SDHB: variants seen among roughly 807,000 people sequenced by gnomAD.
SDHB encodes the protein succinate dehydrogenase complex iron sulfur subunit B.
A neutral mutation model predicts 39.7 loss-of-function variants in SDHB; 21 were observed. The observed-to-expected ratio is 0.53, with a 90% confidence interval of 0.37 to 0.76. SDHB has a LOEUF of 0.76. SDHB is among the 30% of genes least tolerant of loss of function. The pLI, the probability that SDHB is intolerant of heterozygous loss-of-function variation, is 0.00. For synonymous variants in SDHB, 118 were observed against 117.0 expected (o/e 1.01, Z -0.06); for missense variants, 343 against 350.9 (o/e 0.98, Z 0.18).
intron 2 of SDHB, among the ~76,000 whole-genome samples, chr1:17,040,087 C>T (rs7517571): frequency 1.3e-5 from 2 of 151,966 alleles, no homozygotes; most frequent in South Asian, 2.1e-4. Context: ...TTTTTCTGAA[C>T]GTGGAATTCC....
chr1:17,027,967 C>A, intron 4 of SDHB, 102 bp from the exon 5 acceptor site: 2 of 728,572 alleles, frequency 2.7e-6, no homozygotes, highest in Admixed American at 2.0e-5. Flanking sequence ...GACTACTCGT[C>A]CACTCTATGC....
chr1:17,022,175 GA>G (rs2077965354), intron 7 of SDHB, among the ~76,000 whole-genome samples: 1 of 152,212 alleles, frequency 6.6e-6, no homozygotes, highest in Admixed American at 6.5e-5. Context: ...TTGAGTCAGA[GA>G]AAACCTCCAC....
intron 1 of SDHB, among the ~76,000 whole-genome samples, chr1:17,050,925 A>G (rs1010514346): frequency 1.3e-5 from 2 of 152,242 alleles, no homozygotes; most frequent in Non-Finnish European, 2.9e-5. Flanking sequence ...GTGCCAAATA[A>G]TCTCTAATCT....
At chr1:17,022,025 C>T (rs540972622) in intron 7 of SDHB, among the ~76,000 whole-genome samples, 11 of 152,206 alleles carry the variant, frequency 7.2e-5, no homozygotes, top group Non-Finnish European at 1.5e-4. Flanking sequence ...ATGCGACACC[C>T]TCTCAGGAAA....
At chr1:17,035,972 C>CAT (rs1487359439) in intron 2 of SDHB, among the ~76,000 whole-genome samples, 1 of 152,168 alleles carries the variant, frequency 6.6e-6, no homozygotes, top group Non-Finnish European at 1.5e-5. Flanking sequence ...AAAGTCCTCT[C>CAT]TTTAAGCTGT....
chr1:17,047,831 T>C (rs77955136), intron 1 of SDHB, among the ~76,000 whole-genome samples: 7,380 of 152,226 alleles, frequency 0.048, 245 homozygotes, highest in South Asian at 0.13. Context: ...TGCGCCACCA[T>C]GCCCAGTTAG....
At chr1:17,047,681 TAAAA>T (rs375234539) in intron 1 of SDHB, among the ~76,000 whole-genome samples, 1 of 133,002 alleles carries the variant, frequency 7.5e-6, no homozygotes, top group African/African-American at 2.9e-5. Context: ...AAACTCAAGC[TAAAA>T]AAAAAAAAAA....
At chr1:17,047,820 A>G (rs1417082810) in intron 1 of SDHB, among the ~76,000 whole-genome samples, 6 of 152,214 alleles carry the variant, frequency 3.9e-5, no homozygotes, top group African/African-American at 1.2e-4. Flanking sequence ...GACTACAGGC[A>G]TGCGCCACCA....
intron 1 of SDHB, among the ~76,000 whole-genome samples, chr1:17,052,828 G>C (rs369592475): frequency 6.6e-6 from 1 of 152,208 alleles, no homozygotes; most frequent in African/African-American, 2.4e-5. Flanking sequence ...TCATTTAAGT[G>C]CAAGAGAGGA....
chr1:17,027,894 G>A (rs199637819), intron 4 of SDHB, 29 bp from the exon 5 acceptor site: 15 of 1,335,290 alleles, frequency 1.1e-5, no homozygotes, highest in Non-Finnish European at 1.6e-5. Flanking sequence ...AGAAGAAGAA[G>A]AAGAAGAAAA....
intron 1 of SDHB, among the ~76,000 whole-genome samples, chr1:17,049,647 C>T (rs995232205): frequency 3.6e-3 from 189 of 52,010 alleles, no homozygotes; most frequent in South Asian, 0.01. Context: ...TCCCCTAGTT[C>T]TTTTTTTTTT....
chr1:17,049,397 A>G (rs1447560475), intron 1 of SDHB, among the ~76,000 whole-genome samples: 1 of 151,708 alleles, frequency 6.6e-6, no homozygotes, highest in Non-Finnish European at 1.5e-5. Context: ...CCTCAGGCTC[A>G]TGCAATTCTC....
intron 1 of SDHB, among the ~76,000 whole-genome samples, chr1:17,046,152 T>C (rs1352542134): frequency 1.3e-5 from 2 of 152,184 alleles, no homozygotes; most frequent in African/African-American, 4.8e-5. Flanking sequence ...AAAGTTAAGA[T>C]GAAAGCTATG....
At chr1:17,026,338 GCA>G (rs2077990862) in intron 5 of SDHB, among the ~76,000 whole-genome samples, 1 of 152,030 alleles carries the variant, frequency 6.6e-6, no homozygotes, top group Admixed American at 6.6e-5. Context: ...GACAGACTGG[GCA>G]CACTTACTAG....
At chr1:17,037,932 T>A (rs1487270565) in intron 2 of SDHB, among the ~76,000 whole-genome samples, 1 of 151,980 alleles carries the variant, frequency 6.6e-6, no homozygotes, top group Non-Finnish European at 1.5e-5. Context: ...AGGTCAGGAG[T>A]TCGAGACCAG....
chr1:17,036,692 TTATATAAATATGAA>T lies in SDHB; in HGVS notation c.201-3561_201-3548del, dbSNP rs533695640. On this transcript the variant is annotated intron_variant, in intron 2 of 7. Transcript: ENST00000375499. ...GTTTTACATATATAAATATAAATAT[TTATATAAATATGAA>T]TATATAAATATAAATATTTATATAA... Among the ~76,000 whole-genome samples, 489 of 142,834 alleles carry T rather than the reference TTATATAAATATGAA, an allele frequency of 3.4e-3. 3 individuals are homozygous for T. The highest frequency in any genetic ancestry group is 0.012 in the African/African-American group (470 of 38,878). 93.7% of individuals were successfully genotyped at this position (142,834 alleles called of 152,430 possible).
At chr1:17,027,394 A>AT (rs1345430770) in intron 5 of SDHB, among the ~76,000 whole-genome samples, 22 of 152,230 alleles carry the variant, frequency 1.4e-4, no homozygotes, top group Admixed American at 1.4e-3. Flanking sequence ...ACTGGCCAGC[A>AT]TATGTGTTTC....
At chr1:17,038,504 T>TACAGTTAGTC (rs1036827342) in intron 2 of SDHB, among the ~76,000 whole-genome samples, 2 of 152,256 alleles carry the variant, frequency 1.3e-5, no homozygotes, top group African/African-American at 4.8e-5. Context: ...TACCTGTGAC[T>TACAGTTAGTC]ACAGTTAGTT....
At chr1:17,027,929 G>T in intron 4 of SDHB, 64 bp from the exon 5 acceptor site, 1 of 990,004 alleles carries the variant, frequency 1.0e-6, no homozygotes, top group Non-Finnish European at 1.6e-6. Context: ...CATCACCTCA[G>T]CTTTATTTAC....
Sources: gnomAD v4.1 joint callset for allele counts (sites outside exome capture counted in the v4.1 genomes callset) on GRCh38, gnomAD v4.1.1 for gene constraint, MANE v1.5 for transcripts, NCBI Gene and HGNC (gene_info 2026-07-23, HGNC 2026-07-21) for gene names.